Variants in TTLL5 observed in about 807,000 individuals in gnomAD.
TTLL5 encodes the protein tubulin tyrosine ligase like 5.
In TTLL5, 132 loss-of-function variants were observed where a neutral mutation model predicts 168.4. The observed-to-expected ratio is 0.78, with a 90% CI of 0.68 to 0.91. The LOEUF is 0.91. Among genes scored for constraint, TTLL5 ranks in the 40% least tolerant of loss-of-function variants. The pLI is 0.00. For missense variants in TTLL5, 1,545 were observed against 1,581.5 expected, an observed-to-expected ratio of 0.98 and a Z score of 0.39; for synonymous variants, 546 against 558.6, an observed-to-expected ratio of 0.98 and a Z score of 0.32.
chr14:75,886,578 C>T, intron 30 of TTLL5: 1 of 1,164,016 alleles, frequency 8.6e-7, no homozygotes, highest in Non-Finnish European at 1.2e-6. Flanking sequence ...TTTCATTTAG[C>T]TAAATCTCAT....
chr14:75,896,858 C>A (rs1205581247), intron 30 of TTLL5, among the ~76,000 whole-genome samples: 3 of 152,102 alleles, frequency 2.0e-5, no homozygotes, highest in African/African-American at 7.2e-5. Flanking sequence ...CTCATTATAA[C>A]CCTCCTGGAC....
At chr14:75,758,804 A>C (rs1309595805) in intron 18 of TTLL5, among the ~76,000 whole-genome samples, 4 of 152,324 alleles carry the variant, frequency 2.6e-5, no homozygotes, top group Middle Eastern at 3.4e-3. Context: ...TAAAAGAAGA[A>C]ATCATGAGGA....
intron 28 of TTLL5, among the ~76,000 whole-genome samples, chr14:75,855,150 G>GAAA (rs55874311): frequency 1.5e-5 from 2 of 130,496 alleles, no homozygotes; most frequent in Non-Finnish European, 3.2e-5. Flanking sequence ...TATGCTAGAA[G>GAAA]AAAAAAAAAA....
intron 28 of TTLL5, chr14:75,820,559 C>G (rs546357553): frequency 1.9e-5 from 3 of 156,768 alleles, no homozygotes; most frequent in Admixed American, 6.5e-5. Flanking sequence ...ACTGTAGACT[C>G]TGTTCTTTTG....
At chr14:75,902,121 C>G (rs1376934455) in intron 30 of TTLL5, 21 bp from the exon 31 acceptor site, 4 of 1,613,858 alleles carry the variant, frequency 2.5e-6, no homozygotes, top group Admixed American at 1.7e-5. Flanking sequence ...GCAGGTCTGA[C>G]CAAGCTCCTT....
rs1892812006 is a variant in TTLL5 at position 75,793,093 on chromosome 14, C to T, written c.3164C>T (p.Thr1055Ile). The T allele has an allele frequency of 3.1e-6, 5 of 1,610,044 alleles. No individual in the cohort carries two copies. In the East Asian group the frequency reaches 8.9e-5, roughly 29 times the overall value. ...CCATCCAGCCACATCAACCTCCTCA[C>T]CCAACAGGTACGGATGGTCTGGGGT... ...YSPSSHINLL[T>I]QQVTNLNLAT... The change falls in exon 27 of 32, where the codon ACC (threonine) becomes ATC (isoleucine). Residue 1055 changes from threonine to isoleucine, a missense_variant. Coordinates refer to ENST00000298832, the MANE Select transcript of TTLL5 (RefSeq NM_015072.5).
chr14:75,915,765 T>C (rs890243488), intron 31 of TTLL5, among the ~76,000 whole-genome samples: 4 of 151,726 alleles, frequency 2.6e-5, no homozygotes, highest in African/African-American at 9.8e-5. Flanking sequence ...TTGCTAATCA[T>C]AAGAGAAATG....
intron 24 of TTLL5, among the ~76,000 whole-genome samples, chr14:75,780,651 G>A (rs999706516): frequency 6.6e-6 from 1 of 152,172 alleles, no homozygotes; most frequent in African/African-American, 2.4e-5. Context: ...ATCTAATATG[G>A]AAATAGCCAG....
chr14:75,852,290 C>G (rs1227465502), intron 28 of TTLL5, among the ~76,000 whole-genome samples: 1 of 152,184 alleles, frequency 6.6e-6, no homozygotes, highest in Non-Finnish European at 1.5e-5. Flanking sequence ...GGGTTTGATT[C>G]CTTCCCAGCA....
chr14:75,793,662 T>C (rs1457704636), intron 27 of TTLL5, among the ~76,000 whole-genome samples: 1 of 152,170 alleles, frequency 6.6e-6, no homozygotes. Context: ...GCTGGGTGGA[T>C]AGAAATAAAT....
intron 28 of TTLL5, among the ~76,000 whole-genome samples, chr14:75,832,892 A>G (rs1341139811): frequency 6.6e-6 from 1 of 151,984 alleles, no homozygotes; most frequent in Non-Finnish European, 1.5e-5. Flanking sequence ...TGTTTTCTTA[A>G]GTCTCCCTTC....
At chr14:75,802,019 T>C (rs1388430868) in intron 27 of TTLL5, among the ~76,000 whole-genome samples, 1 of 152,190 alleles carries the variant, frequency 6.6e-6, no homozygotes, top group Admixed American at 6.5e-5. Context: ...TTGTTTCCTC[T>C]TACCTGTTTT....
intron 18 of TTLL5, among the ~76,000 whole-genome samples, chr14:75,761,467 G>A (rs1469288485): frequency 1.3e-5 from 2 of 152,206 alleles, no homozygotes; most frequent in African/African-American, 4.8e-5. Context: ...CAACAGAGCA[G>A]ATAACTGTGG....
rs553782205 is a variant in TTLL5 at position 75,867,576 on chromosome 14, A to G, written c.3522+3714A>G. On this transcript the variant is annotated intron_variant, in intron 29 of 31. Transcript: ENST00000298832. ...GGAGTTCGAGACCAGCCTGACCAAT[A>G]TGGTGAAACCCCGTCTCTACTAAAA... 2.0e-4 allele frequency among the ~76,000 whole-genome samples: 30 copies of G among 152,120 alleles called. 1 individual carries two copies. The highest frequency in any genetic ancestry group is 1.4e-3 in the Admixed American group (21 of 15,274).
Position 75,781,671 on chromosome 14 carries a change from T to C in TTLL5, c.2516-816T>C, listed in dbSNP as rs1002933222. 6.6e-5 allele frequency among the ~76,000 whole-genome samples: 10 copies of C among 152,294 alleles called. No homozygotes were observed. The South Asian group carries it at 2.1e-3, about 32-fold the overall frequency. On this transcript the variant is annotated intron_variant, in intron 24 of 31. Coordinates refer to ENST00000298832, the MANE Select transcript of TTLL5 (RefSeq NM_015072.5). Reference sequence around the variant, plus strand: ...CTATCTCCAGTAAAACTGAAGAGTTTAGGCCGGGCATGGTGGCTCACGCCT... The same window carrying C: ...CTATCTCCAGTAAAACTGAAGAGTTCAGGCCGGGCATGGTGGCTCACGCCT...
intron 3 of TTLL5, among the ~76,000 whole-genome samples, chr14:75,675,456 A>G (rs1884067941): frequency 6.6e-6 from 1 of 152,114 alleles, no homozygotes; most frequent in Admixed American, 6.5e-5. Flanking sequence ...GGAACTTGCT[A>G]GGGGTCCTAG....
At chr14:75,739,393 T>C (rs527283630) in intron 15 of TTLL5, among the ~76,000 whole-genome samples, 1 of 152,184 alleles carries the variant, frequency 6.6e-6, no homozygotes, top group Non-Finnish European at 1.5e-5. Context: ...AGTATTTTCA[T>C]TGGAGCTAAG....
intron 31 of TTLL5, among the ~76,000 whole-genome samples, chr14:75,904,500 A>G (rs1010430611): frequency 3.9e-5 from 6 of 152,208 alleles, no homozygotes; most frequent in African/African-American, 1.4e-4. Context: ...CAGCTGAGCC[A>G]GTTGGAAACT....
At chr14:75,928,934 G>T (rs74725210) in intron 31 of TTLL5, among the ~76,000 whole-genome samples, 9 of 151,990 alleles carry the variant, frequency 5.9e-5, no homozygotes, top group African/African-American at 2.2e-4. Context: ...AATTATCCTC[G>T]GCATAAATCC....
Sources: allele counts gnomAD v4.1 joint callset (sites outside exome capture counted in the v4.1 genomes callset), GRCh38; gene constraint gnomAD v4.1.1; transcripts MANE v1.5; gene names NCBI Gene and HGNC (gene_info 2026-07-23, HGNC 2026-07-21).